The following NYAP2 variants were observed in gnomAD, a reference collection of about 807,000 sequenced individuals.
The protein encoded by NYAP2 is neuronal tyrosine-phosphorylated phosphoinositide-3-kinase adapter 2.
NYAP2 carries 23 observed loss-of-function variants against 50.4 expected under a neutral mutation model. That is an observed-to-expected ratio of 0.46 (90% CI 0.33 to 0.65). The LOEUF is 0.65. Ranked by LOEUF, NYAP2 falls within the 30% of genes least tolerant of loss-of-function variation. The probability of loss-of-function intolerance (pLI) is 0.02; values close to 1 mark genes in which losing one functional copy is unlikely to be tolerated. For missense variants in NYAP2, 885 were observed against 861.0 expected (o/e 1.03, Z -0.35); for synonymous variants, 394 against 365.2 (o/e 1.08, Z -0.90).
intron 6 of NYAP2, among the ~76,000 whole-genome samples, chr2:225,644,051 G>C (rs1166984567): frequency 5.4e-5 from 8 of 148,998 alleles, no homozygotes; most frequent in South Asian, 2.2e-4. Flanking sequence ...CTAGTTTACA[G>C]TCCCACCAAC....
intron 4 of NYAP2, among the ~76,000 whole-genome samples, chr2:225,525,784 C>T (rs1286758708): frequency 6.6e-6 from 1 of 152,156 alleles, no homozygotes; most frequent in Non-Finnish European, 1.5e-5. Flanking sequence ...TCAGTTTTCT[C>T]TCTGTAAGAT....
chr2:225,477,231 C>CT (rs11378712), intron 3 of NYAP2, among the ~76,000 whole-genome samples: 66,188 of 87,586 alleles, frequency 0.76, 25,797 homozygotes, highest in Admixed American at 0.82. Flanking sequence ...GTCTCTATTT[C>CT]TTTTTTTTTT....
chr2:225,415,682 GA>G (rs1695111714), intron 3 of NYAP2, among the ~76,000 whole-genome samples: 1 of 152,116 alleles, frequency 6.6e-6, no homozygotes, highest in South Asian at 2.1e-4. Flanking sequence ...GAGGCATGTA[GA>G]AAAGTGAGAT....
exon 6 of NYAP2, chr2:225,626,948 C>A: frequency 6.3e-7 from 1 of 1,582,374 alleles, no homozygotes; most frequent in Non-Finnish European, 8.6e-7. Flanking sequence ...TCCGAAGCCA[C>A]AGCACGGAGC....
At chr2:225,445,217 C>T (rs903666135) in intron 3 of NYAP2, among the ~76,000 whole-genome samples, 2 of 151,998 alleles carry the variant, frequency 1.3e-5, no homozygotes, top group African/African-American at 2.4e-5. Flanking sequence ...CAAAATACCA[C>T]GTTCACCTAA....
intron 3 of NYAP2, among the ~76,000 whole-genome samples, chr2:225,428,084 C>T (rs1190921744): frequency 2.0e-5 from 3 of 152,226 alleles, no homozygotes; most frequent in East Asian, 1.9e-4. Context: ...GTTGATTTTT[C>T]CTCTTTCAGT....
intron 6 of NYAP2, among the ~76,000 whole-genome samples, chr2:225,637,873 CAG>C (rs1421500214): frequency 6.6e-6 from 1 of 152,024 alleles, no homozygotes; most frequent in Non-Finnish European, 1.5e-5. Flanking sequence ...TGTAAATAAA[CAG>C]GGTACAAAAT....
chr2:225,475,592 ATTG>A (rs2106161763), intron 3 of NYAP2, among the ~76,000 whole-genome samples: 1 of 152,334 alleles, frequency 6.6e-6, no homozygotes, highest in African/African-American at 2.4e-5. Context: ...GGATTGAAAA[ATTG>A]TTTAGTTAGG....
intron 5 of NYAP2, among the ~76,000 whole-genome samples, chr2:225,615,923 C>T (rs1574710687): frequency 6.6e-6 from 1 of 152,170 alleles, no homozygotes; most frequent in Non-Finnish European, 1.5e-5. Flanking sequence ...TTTCATTATT[C>T]TTTCTCTCTT....
At chr2:225,424,280 A>C (rs963808400) in intron 3 of NYAP2, among the ~76,000 whole-genome samples, 4 of 152,118 alleles carry the variant, frequency 2.6e-5, no homozygotes, top group Non-Finnish European at 5.9e-5. Context: ...AAGTAAGTCA[A>C]ATTAATCAAT....
At chr2:225,405,290 G>T (rs1451217661) in intron 2 of NYAP2, among the ~76,000 whole-genome samples, 4 of 151,942 alleles carry the variant, frequency 2.6e-5, no homozygotes, top group Non-Finnish European at 5.9e-5. Flanking sequence ...TACTTACTGA[G>T]ACAGAGCTAA....
intron 6 of NYAP2, among the ~76,000 whole-genome samples, chr2:225,643,153 T>C (rs1693562023): frequency 6.6e-6 from 1 of 152,146 alleles, no homozygotes; most frequent in Non-Finnish European, 1.5e-5. Flanking sequence ...ACCTTGGAAT[T>C]TGCTTCTTGT....
chr2:225,641,007 C>G (rs549319460), intron 6 of NYAP2, among the ~76,000 whole-genome samples: 1 of 152,270 alleles, frequency 6.6e-6, no homozygotes, highest in Admixed American at 6.5e-5. Flanking sequence ...GCAGAAAGTG[C>G]CTTTCCTTGC....
chr2:225,501,734 A>T (rs1690612280), intron 3 of NYAP2, among the ~76,000 whole-genome samples: 1 of 152,186 alleles, frequency 6.6e-6, no homozygotes, highest in South Asian at 2.1e-4. Context: ...AAAATAATTC[A>T]AAAAGAAAAG....
At chr2:225,636,976 G>A in intron 6 of NYAP2, among the ~76,000 whole-genome samples, 1 of 152,166 alleles carries the variant, frequency 6.6e-6, no homozygotes, top group Non-Finnish European at 1.5e-5. Context: ...GACTAAATGA[G>A]TGTCATTTTA....
At chr2:225,666,858 C>T in the NYAP2 span, among the ~76,000 whole-genome samples, 10 of 140,716 alleles carry the variant, frequency 7.1e-5, no homozygotes, top group African/African-American at 2.9e-4. Context: ...GCCCCCCCAC[C>T]CCCCCAACAC....
At chr2:225,597,866 T>A (rs1239496672) in intron 5 of NYAP2, among the ~76,000 whole-genome samples, 1 of 151,964 alleles carries the variant, frequency 6.6e-6, no homozygotes, top group South Asian at 2.1e-4. Flanking sequence ...TTTAGATACA[T>A]GTAAAAAAAT....
intron 4 of NYAP2, among the ~76,000 whole-genome samples, chr2:225,522,440 T>C (rs1365936019): frequency 6.6e-6 from 1 of 152,136 alleles, no homozygotes. Context: ...CCTGCTACAA[T>C]ATTTGCAATC....
At position 225,572,944 on chromosome 2, in the gene NYAP2, A is replaced by T. The variant is rs144784917; in HGVS notation, c.524-8997A>T. ...TATATATATTAATACCTTGTCTCTG[A>T]TTTCAATCCAGATTTTTGACTAGAA... On this transcript the variant is annotated intron_variant, in intron 4 of 6. Coordinates refer to ENST00000636099, the Ensembl canonical transcript of NYAP2. Among the ~76,000 whole-genome samples the T allele has an allele frequency of 6.6e-3, 1,001 of 152,178 alleles. 10 individuals are homozygous for T. Among genetic ancestry groups the T allele is most frequent in the Non-Finnish European group, 0.012 (820 of 68,000 alleles).
Sources: gnomAD v4.1 joint callset for allele counts (sites outside exome capture counted in the v4.1 genomes callset) on GRCh38, gnomAD v4.1.1 for gene constraint, MANE v1.5 for transcripts, NCBI Gene and HGNC (gene_info 2026-07-23, HGNC 2026-07-21) for gene names.